Variants in GATAD2A observed in about 807,000 individuals in gnomAD.
GATAD2A encodes the protein GATA zinc finger domain containing 2A.
GATAD2A carries 12 observed loss-of-function variants against 68.5 expected under a neutral mutation model. That is an observed-to-expected ratio of 0.18 (90% CI 0.11 to 0.28). The LOEUF (loss-of-function observed/expected upper bound fraction) is 0.28. Among genes scored for constraint, GATAD2A ranks in the 10% least tolerant of loss-of-function variants. The probability of loss-of-function intolerance (pLI) is 1.00; values close to 1 mark genes in which losing one functional copy is unlikely to be tolerated. For synonymous variants in GATAD2A, 410 were observed against 375.3 expected, an observed-to-expected ratio of 1.09 and a Z score of -1.07; for missense variants, 755 against 868.5, an observed-to-expected ratio of 0.87 and a Z score of 1.64.
Position 19,498,652 on chromosome 19 carries a change from C to T in GATAD2A, c.1134C>T (p.Ser378=), listed in dbSNP as rs565655196. The T allele has an allele frequency of 4.2e-5, 67 of 1,613,824 alleles. No individual in the cohort carries two copies. Among genetic ancestry groups the T allele is most frequent in the Middle Eastern group, 1.6e-4 (1 of 6,062 alleles). ...PPAPEMNFLP[S]AANNEFIYLV... The stretch of plus-strand genomic sequence containing the variant: ...CCCCAGAGATGAACTTCCTGCCCAG[C>T]GCCGCCAACAACGAGTTCATCTACC... The change falls in exon 8 of 12, where the codon AGC becomes AGT. Residue 378 remains serine (S), a synonymous_variant. Coordinates refer to ENST00000683918, the MANE Select transcript of GATAD2A (RefSeq NM_001384528.1).
intron 1 of GATAD2A, among the ~76,000 whole-genome samples, chr19:19,444,783 A>T (rs952306171): frequency 7.0e-6 from 1 of 142,696 alleles, no homozygotes; most frequent in African/African-American, 2.6e-5. Context: ...AGGTGGGAGG[A>T]TTGCTTGAGC....
intron 1 of GATAD2A, among the ~76,000 whole-genome samples, chr19:19,413,851 C>G (rs968910774): frequency 1.3e-4 from 20 of 152,184 alleles, no homozygotes; most frequent in African/African-American, 4.8e-4. Context: ...TCCCAAAGTA[C>G]TGGGATTACA....
At chr19:19,486,752 C>T (rs2059460389) in intron 2 of GATAD2A, among the ~76,000 whole-genome samples, 1 of 152,160 alleles carries the variant, frequency 6.6e-6, no homozygotes, top group Admixed American at 6.5e-5. Flanking sequence ...CTGCCTGATC[C>T]CCCTGCAGCC....
At chr19:19,489,377 G>T (rs542116824) in intron 2 of GATAD2A, among the ~76,000 whole-genome samples, 2 of 152,360 alleles carry the variant, frequency 1.3e-5, no homozygotes, top group East Asian at 3.9e-4. Flanking sequence ...ACTGGCCGTT[G>T]CCATGGTTTT....
chr19:19,410,836 A>G (rs182652362), intron 1 of GATAD2A, among the ~76,000 whole-genome samples: 6 of 152,254 alleles, frequency 3.9e-5, no homozygotes, highest in South Asian at 2.1e-4. Flanking sequence ...CTTGTTGAAC[A>G]TCACCCCTGT....
At chr19:19,439,436 A>C (rs998838603) in intron 1 of GATAD2A, among the ~76,000 whole-genome samples, 4 of 152,170 alleles carry the variant, frequency 2.6e-5, no homozygotes, top group Admixed American at 2.6e-4. Context: ...CCACCAAGAC[A>C]TTTCTGGGTT....
chr19:19,388,337 G>A (rs972788523), intron 1 of GATAD2A, among the ~76,000 whole-genome samples: 4 of 152,066 alleles, frequency 2.6e-5, no homozygotes, highest in Non-Finnish European at 5.9e-5. Context: ...GATTACAGGC[G>A]TGAACCACCG....
chr19:19,499,119 G>T (rs951895507), intron 8 of GATAD2A, among the ~76,000 whole-genome samples: 7 of 152,238 alleles, frequency 4.6e-5, no homozygotes, highest in African/African-American at 1.7e-4. Flanking sequence ...TTCTGAGGAG[G>T]GAGAGGGACA....
At chr19:19,492,487 A>G (rs528119762) in intron 3 of GATAD2A, 49 bp downstream of exon 3, 32 of 1,612,442 alleles carry the variant, frequency 2.0e-5, no homozygotes, top group Middle Eastern at 1.6e-4. Context: ...TGCCCTTCCT[A>G]CTCATGACAC....
intron 2 of GATAD2A, among the ~76,000 whole-genome samples, chr19:19,479,720 G>A (rs902848693): frequency 1.3e-5 from 2 of 151,992 alleles, no homozygotes; most frequent in Admixed American, 6.6e-5. Flanking sequence ...TCGTTTTGGT[G>A]AGGTGCCATT....
In GATAD2A at chr19:19,388,561, A is replaced by G. The variant is rs114654432; in HGVS notation, c.-7+2423A>G. ...TCCTCATGTCCCTCTAAGACCTGCT[A>G]GATTTGGGGGAGCAGGAGCTGCTAC... On this transcript the variant is annotated intron_variant, in intron 1 of 11. Coordinates refer to the GATAD2A transcript ENST00000360315. Among the ~76,000 whole-genome samples, 1,165 of 152,024 alleles carry G rather than the reference A, an allele frequency of 7.7e-3. 8 individuals are homozygous for G. The highest frequency in any genetic ancestry group is 0.01 in the African/African-American group (418 of 41,452).
At chr19:19,420,975 C>G (rs1309318630) in intron 1 of GATAD2A, among the ~76,000 whole-genome samples, 1 of 152,228 alleles carries the variant, frequency 6.6e-6, no homozygotes, top group African/African-American at 2.4e-5. Context: ...AGATGATTCT[C>G]TTGGTGTCCC....
chr19:19,416,657 C>T (rs1210253586), intron 1 of GATAD2A, among the ~76,000 whole-genome samples: 3 of 151,976 alleles, frequency 2.0e-5, no homozygotes, highest in African/African-American at 7.3e-5. Context: ...TGGTTTATTG[C>T]ATTAGGGAAA....
chr19:19,476,150 TGTG>T, intron 2 of GATAD2A, among the ~76,000 whole-genome samples: 1 of 152,368 alleles, frequency 6.6e-6, no homozygotes, highest in East Asian at 1.9e-4. Flanking sequence ...GTTATTATCC[TGTG>T]GTGGCTCTGA....
At chr19:19,448,961 C>T (rs1394883978) in intron 1 of GATAD2A, among the ~76,000 whole-genome samples, 1 of 152,118 alleles carries the variant, frequency 6.6e-6, no homozygotes, top group Non-Finnish European at 1.5e-5. Flanking sequence ...TAATTGTGAT[C>T]CTTGTGGGGC....
At chr19:19,485,828 A>G (rs1032821685) in intron 2 of GATAD2A, among the ~76,000 whole-genome samples, 3 of 152,188 alleles carry the variant, frequency 2.0e-5, no homozygotes. Flanking sequence ...CTCCTTCTTC[A>G]TATCCACAAA....
intron 1 of GATAD2A, among the ~76,000 whole-genome samples, chr19:19,419,910 C>A (rs968335278): frequency 6.6e-6 from 1 of 151,326 alleles, no homozygotes; most frequent in African/African-American, 2.4e-5. Flanking sequence ...AATGGTACAG[C>A]GGTTCAGGTT....
At chr19:19,404,598 G>A (rs2050022973), upstream of GATAD2A, among the ~76,000 whole-genome samples, 2 of 152,072 alleles carry the variant, frequency 1.3e-5, no homozygotes, top group African/African-American at 4.8e-5. Context: ...AGGGGAATCC[G>A]TGAACCTGGG....
chr19:19,453,506 G>GC (rs753825086), intron 1 of GATAD2A, among the ~76,000 whole-genome samples: 6 of 151,902 alleles, frequency 3.9e-5, no homozygotes, highest in African/African-American at 7.3e-5. Flanking sequence ...TGTCCGCTGT[G>GC]CCCCCCACAT....
Sources: allele counts gnomAD v4.1 joint callset (sites outside exome capture counted in the v4.1 genomes callset), GRCh38; gene constraint gnomAD v4.1.1; transcripts MANE v1.5; gene names NCBI Gene and HGNC (gene_info 2026-07-23, HGNC 2026-07-21).